The following SIRPB1 variants were observed in gnomAD, a reference collection of about 807,000 sequenced individuals.
SIRPB1 encodes the protein signal-regulatory protein beta-1.
Under a neutral mutation model 34.1 loss-of-function variants are expected in SIRPB1, and 28 were observed. The observed-to-expected ratio is 0.82, with a 90% CI of 0.61 to 1.12. The LOEUF (loss-of-function observed/expected upper bound fraction) is 1.12, where lower values mean the gene tolerates loss of function less well. Among genes scored for constraint, SIRPB1 ranks in the 50% most tolerant of loss-of-function variants. The pLI is 0.00. For synonymous variants in SIRPB1, 211 were observed against 203.8 expected (o/e 1.04, Z -0.30); for missense variants, 499 against 507.0 (o/e 0.98, Z 0.15).
intron 1 of SIRPB1, among the ~76,000 whole-genome samples, chr20:1,579,371 G>A (rs1197935285): frequency 6.7e-6 from 1 of 148,322 alleles, no homozygotes. Context: ...ATGGAGTGTG[G>A]CACTTTTTGT....
chr20:1,572,352 T>C (rs2091254813), intron 2 of SIRPB1, among the ~76,000 whole-genome samples: 4 of 151,878 alleles, frequency 2.6e-5, no homozygotes, highest in Admixed American at 2.6e-4. Context: ...TCTCCCTCCA[T>C]GTTATTAACT....
intron 1 of SIRPB1, among the ~76,000 whole-genome samples, chr20:1,579,226 A>T (rs2091367038): frequency 6.7e-6 from 1 of 148,262 alleles, no homozygotes; most frequent in Non-Finnish European, 1.5e-5. Context: ...TGCTGGGATT[A>T]TAGGTGTCAG....
intron 2 of SIRPB1, among the ~76,000 whole-genome samples, chr20:1,577,047 C>G (rs2091322232): frequency 6.7e-6 from 1 of 148,170 alleles, no homozygotes; most frequent in Non-Finnish European, 1.5e-5. Flanking sequence ...AAAACTGGAG[C>G]AGTTCTCTAT....
At position 1,571,134 on chromosome 20, in the gene SIRPB1, G is replaced by A. The variant is rs1269453880; in HGVS notation, c.755C>T (p.Pro252Leu). 2.5e-6 allele frequency: 4 copies of A among 1,612,790 alleles called. No homozygotes were observed. The African/African-American group carries it at 4.0e-5, about 16-fold the overall frequency. The change falls in exon 4 of 6, where the codon CCA (proline) becomes CTA (leucine). Residue 252 changes from proline to leucine, a missense_variant. Transcript: ENST00000381605. ...CTGTTGAGTAACCTCCAAGGTGGGT[G>A]GAACTGAAACAGCACAGGGCAGAAG... ...TANLSEAIRV[P>L]PTLEVTQQPM... is the part of the protein sequence containing the mutation.
intron 1 of SIRPB1, among the ~76,000 whole-genome samples, chr20:1,578,998 C>G (rs1239140878): frequency 2.0e-5 from 3 of 148,010 alleles, no homozygotes; most frequent in South Asian, 2.1e-4. Flanking sequence ...GCTGCCCAGG[C>G]TGGAGTGCAG....
chr20:1,618,335 A>T (rs2122342814), intron 1 of SIRPB1, among the ~76,000 whole-genome samples: 1 of 152,328 alleles, frequency 6.6e-6, no homozygotes, highest in Non-Finnish European at 1.5e-5. Flanking sequence ...TAAAAGAATG[A>T]ACTTTGGAGC....
rs749112810 is a variant in SIRPB1 at position 1,578,680 on chromosome 20, C to T, written c.91G>A (p.Asp31Asn). ...TCAGGCTGAATCACCTGTAGCTCGTCCTCACCTGCCACTCCTGGAAAGGAG... is the reference window on the plus strand; with the variant it reads ...TCAGGCTGAATCACCTGTAGCTCGTTCTCACCTGCCACTCCTGGAAAGGAG... ...LGRLTGVAGE[D>N]ELQVIQPEKS... The change falls in exon 2 of 6, where the codon GAC becomes AAC. Residue 31 changes from aspartate to asparagine, a missense_variant. By Grantham distance (23) the Asp-to-Asn change is conservative. Coordinates refer to ENST00000381605, the MANE Select transcript of SIRPB1 (RefSeq NM_006065.5). 1.3e-6 allele frequency: 2 copies of T among 1,580,550 alleles called. No individual in the cohort carries two copies. Among genetic ancestry groups the T allele is most frequent in the Non-Finnish European group, 8.7e-7 (1 of 1,154,288 alleles).
Position 1,619,962 on chromosome 20 carries a change from C to G in SIRPB1, c.-18G>C, listed in dbSNP as rs1402332721. ...ACGGGCATTCTGGAGACCTTAGGAGCCTGCTCTGTCCAAACGTCTGTGCTG... is the reference window on the plus strand; with the variant it reads ...ACGGGCATTCTGGAGACCTTAGGAGGCTGCTCTGTCCAAACGTCTGTGCTG... On this transcript the variant is annotated 5_prime_UTR_variant, in exon 1 of 6. Transcript: ENST00000381605. The G allele has an allele frequency of 1.2e-6, 2 of 1,609,148 alleles. No homozygotes were observed. Among genetic ancestry groups the G allele is most frequent in the Admixed American group, 1.7e-5 (1 of 58,978 alleles).
Position 1,580,345 on chromosome 20 carries a change from C to A in SIRPB1, c.77-1651G>T, listed in dbSNP as rs535767897. Among the ~76,000 whole-genome samples the A allele has an allele frequency of 3.6e-4, 53 of 145,430 alleles. 2 individuals are homozygous for A. The highest frequency in any genetic ancestry group is 8.2e-4 in the African/African-American group (32 of 39,078). Reference sequence around the variant, plus strand: ...TAATCTTCCTCCTTCTTATAAGCACCCTTGTGATGTATTAGCTCCACCCTG... The same window carrying A: ...TAATCTTCCTCCTTCTTATAAGCACACTTGTGATGTATTAGCTCCACCCTG... On this transcript the variant is annotated intron_variant, in intron 1 of 5. Coordinates refer to ENST00000381605, the MANE Select transcript of SIRPB1 (RefSeq NM_006065.5).
At position 1,578,670 on chromosome 20, in the gene SIRPB1, T is replaced by C. The variant is rs755277076; in HGVS notation, c.101A>G (p.Gln34Arg). Residue 34 changes from glutamine to arginine, a missense_variant, in exon 2 of 6, where the codon CAG (glutamine) becomes CGG (arginine). Gln to Arg is a conservative substitution (Grantham distance 43). Coordinates refer to ENST00000381605, the MANE Select transcript of SIRPB1 (RefSeq NM_006065.5). ...LTGVAGEDEL[Q>R]VIQPEKSVSV... ...TACGGACTTTTCAGGCTGAATCACC[T>C]GTAGCTCGTCCTCACCTGCCACTCC... 1.9e-6 allele frequency: 3 copies of C among 1,583,642 alleles called. 1 individual carries two copies. Among genetic ancestry groups the C allele is most frequent in the Non-Finnish European group, 2.6e-6 (3 of 1,157,124 alleles).
At chr20:1,572,175 C>T (rs2091251855) in intron 2 of SIRPB1, 138 bp from the exon 3 acceptor site, 1 of 1,392,446 alleles carries the variant, frequency 7.2e-7, no homozygotes, top group Non-Finnish European at 9.7e-7. Flanking sequence ...TGTCCTTATT[C>T]TCATTTTACA....
chr20:1,566,148 C>A lies in SIRPB1; in HGVS notation c.*2+5G>T. 1.3e-6 allele frequency: 2 copies of A among 1,589,190 alleles called. No homozygotes were observed. The highest frequency in any genetic ancestry group is 1.7e-6 in the Non-Finnish European group (2 of 1,164,240). ...CTTGGTCAGTCCTCCCTCTCCTAAA[C>A]TTACAGTCAGGCCTTCTGTTTCCAG... On this transcript the variant is annotated splice_donor_5th_base_variant and intron_variant, in intron 5 of 5. Coordinates refer to ENST00000381605, the MANE Select transcript of SIRPB1 (RefSeq NM_006065.5).
rs1474961917 is a variant in SIRPB1, at chr20:1,579,984, C to T, written c.77-1290G>A. Among the ~76,000 whole-genome samples, 4 of 148,362 alleles carry T rather than the reference C, an allele frequency of 2.7e-5. 1 individual carries two copies. Among genetic ancestry groups the T allele is most frequent in the Non-Finnish European group, 6.0e-5 (4 of 66,232 alleles). On this transcript the variant is annotated intron_variant, in intron 1 of 5. Transcript: ENST00000381605. ...ATTCAGTATTTTTGCTTAAGAAGCA[C>T]ATTTTAGGTGCTGTTGACATACAAC...
chr20:1,573,825 G>T (rs1254955155), intron 2 of SIRPB1, among the ~76,000 whole-genome samples: 7 of 146,598 alleles, frequency 4.8e-5, no homozygotes, highest in African/African-American at 1.7e-4. Flanking sequence ...GATGAGTGAG[G>T]GTAAGTGCAA....
intron 2 of SIRPB1, among the ~76,000 whole-genome samples, chr20:1,576,885 T>C (rs2091319797): frequency 1.3e-5 from 2 of 148,608 alleles, no homozygotes; most frequent in South Asian, 4.2e-4. Context: ...AGTGGGAATC[T>C]CCCACCTGAG....
At position 1,571,762 on chromosome 20, in the gene SIRPB1, C is replaced by T; in HGVS notation, c.709G>A (p.Asp237Asn). ...CEIAHITLQGDPLRGTANLSE... is the reference protein window; with the variant it reads ...CEIAHITLQGNPLRGTANLSE... ...AAGTTGGCAGTCCCACGAAGAGGGT[C>T]CCCCTGCAAGGTGATGTGGGCTATC... The change falls in exon 3 of 6, where the codon GAC (aspartate) becomes AAC (asparagine). Residue 237 changes from aspartate (D) to asparagine (N), a missense_variant. Asp to Asn is a conservative substitution (Grantham distance 23). Coordinates refer to ENST00000381605, the MANE Select transcript of SIRPB1 (RefSeq NM_006065.5). The T allele has an allele frequency of 3.7e-6, 6 of 1,614,180 alleles. No individual in the cohort carries two copies. Among genetic ancestry groups the T allele is most frequent in the Non-Finnish European group, 5.1e-6 (6 of 1,180,030 alleles).
rs1313103263 is a variant in SIRPB1 at position 1,576,704 on chromosome 20, C to A, written c.433+1634G>T. Among the ~76,000 whole-genome samples the A allele has an allele frequency of 2.0e-5, 3 of 148,298 alleles. 1 individual carries two copies. Among genetic ancestry groups the A allele is most frequent in the Non-Finnish European group, 4.5e-5 (3 of 66,206 alleles). On this transcript the variant is annotated intron_variant, in intron 2 of 5. Transcript: ENST00000381605. ...GGTGGATCACCTGAGTTTGGGAGTT[C>A]GAGACCAGCCTGAACAACATGGAGA...
rs2091094745 is a variant in SIRPB1, at chr20:1,563,339, C to CA, written c.*2160dup. On this transcript the variant is annotated 3_prime_UTR_variant, in exon 6 of 6. Transcript: ENST00000381605. Reference sequence around the variant, plus strand: ...AGAAACCCCATCTCTACTAAAAATACAAAATTAGCTGGGTGTGGTGGTACA... The same window carrying CA: ...AGAAACCCCATCTCTACTAAAAATACAAAAATTAGCTGGGTGTGGTGGTACA... Among the ~76,000 whole-genome samples, 2 of 151,782 alleles carry CA rather than the reference C, an allele frequency of 1.3e-5. No homozygotes were observed. Among genetic ancestry groups the CA allele is most frequent in the South Asian group, 4.2e-4 (2 of 4,816 alleles).
At chr20:1,572,521 G>A (rs569994870) in intron 2 of SIRPB1, among the ~76,000 whole-genome samples, 67 of 151,004 alleles carry the variant, frequency 4.4e-4, no homozygotes, top group South Asian at 1.3e-3. Flanking sequence ...CTCCTCATCC[G>A]CAAAACAGGA....
Sources: gnomAD v4.1 joint callset for allele counts (sites outside exome capture counted in the v4.1 genomes callset) on GRCh38, gnomAD v4.1.1 for gene constraint, MANE v1.5 for transcripts, NCBI Gene and HGNC (gene_info 2026-07-23, HGNC 2026-07-21) for gene names.